Variants in CA10 observed in about 807,000 individuals in gnomAD.
CA10 encodes the protein carbonic anhydrase-related protein 10.
In CA10, 14 loss-of-function variants were observed where a neutral mutation model predicts 44.2. The observed-to-expected ratio is 0.32, with a 90% confidence interval of 0.21 to 0.50. The LOEUF is 0.50. CA10 is among the 20% of genes least tolerant of loss of function. The pLI is 0.99. For missense variants in CA10, 350 were observed against 409.7 expected (o/e 0.85, Z 1.26); for synonymous variants, 159 against 141.6 (o/e 1.12, Z -0.87).
chr17:51,920,742 T>C (rs1240190291), intron 3 of CA10, among the ~76,000 whole-genome samples: 1 of 152,188 alleles, frequency 6.6e-6, no homozygotes, highest in African/African-American at 2.4e-5. Context: ...ACAGAATGCT[T>C]CTGCACTGAA....
chr17:51,957,904 T>C (rs1983727067), intron 2 of CA10, among the ~76,000 whole-genome samples: 2 of 151,622 alleles, frequency 1.3e-5, no homozygotes, highest in Admixed American at 1.3e-4. Context: ...CCTTTCTCAC[T>C]CCCCCCGAGA....
At chr17:51,991,773 C>T (rs1158946677) in intron 2 of CA10, among the ~76,000 whole-genome samples, 2 of 152,154 alleles carry the variant, frequency 1.3e-5, no homozygotes, top group African/African-American at 4.8e-5. Flanking sequence ...CACGCCACTG[C>T]ACTCCAGACT....
At chr17:51,912,357 A>G (rs962775890) in intron 3 of CA10, among the ~76,000 whole-genome samples, 7 of 152,166 alleles carry the variant, frequency 4.6e-5, no homozygotes, top group Non-Finnish European at 1.0e-4. Context: ...AAGGAGGCTC[A>G]AGGAGGTAAA....
At chr17:51,955,427 T>G (rs1477235017) in intron 2 of CA10, among the ~76,000 whole-genome samples, 3 of 152,176 alleles carry the variant, frequency 2.0e-5, no homozygotes, top group Non-Finnish European at 4.4e-5. Context: ...TCCAGCTTCA[T>G]TTTCTGCTCC....
chr17:51,641,313 C>A (rs1913077941), intron 6 of CA10, among the ~76,000 whole-genome samples: 1 of 152,116 alleles, frequency 6.6e-6, no homozygotes, highest in Admixed American at 6.5e-5. Flanking sequence ...ATTCTTCCTT[C>A]ATGGAAAAGA....
chr17:51,865,211 C>T (rs907621075), intron 3 of CA10, among the ~76,000 whole-genome samples: 1 of 152,180 alleles, frequency 6.6e-6, no homozygotes, highest in Non-Finnish European at 1.5e-5. Flanking sequence ...CTCCATGGTA[C>T]TCACCAACCT....
intron 2 of CA10, among the ~76,000 whole-genome samples, chr17:51,997,277 G>C (rs1242489412): frequency 6.6e-6 from 1 of 152,002 alleles, no homozygotes; most frequent in Non-Finnish European, 1.5e-5. Flanking sequence ...GCTTTGTAAT[G>C]AGTCATTCAT....
chr17:51,847,879 C>A lies in CA10; in HGVS notation c.279+83111G>T, dbSNP rs866801815. Among the ~76,000 whole-genome samples the A allele has an allele frequency of 1.1e-4, 16 of 152,216 alleles. No homozygotes were observed. The South Asian group carries it at 2.1e-3, about 20-fold the overall frequency. ...ACTTGTCTCCTCAAGTCTGAGCCAC[C>A]CTATCTGTGAAACAGAGATCAGAAC... is the stretch of plus-strand genomic sequence containing the variant. On this transcript the variant is annotated intron_variant, in intron 3 of 8. Transcript: ENST00000451037.
chr17:51,656,736 C>T (rs1332196032), intron 4 of CA10, among the ~76,000 whole-genome samples: 1 of 152,198 alleles, frequency 6.6e-6, no homozygotes, highest in Admixed American at 6.5e-5. Flanking sequence ...TCGGGAGCCC[C>T]ATCCCAGGTC....
chr17:51,655,123 A>G (rs375908367), intron 4 of CA10, among the ~76,000 whole-genome samples: 1 of 152,224 alleles, frequency 6.6e-6, no homozygotes, highest in Non-Finnish European at 1.5e-5. Flanking sequence ...TTAAAATTTA[A>G]AAGTAGTTTG....
chr17:52,016,848 G>A (rs1169695783), intron 2 of CA10, among the ~76,000 whole-genome samples: 2 of 152,272 alleles, frequency 1.3e-5, no homozygotes, highest in South Asian at 2.1e-4. Flanking sequence ...AGTAGGTGGA[G>A]GTTGCAGTGA....
chr17:51,732,024 CATT>C (rs74268815), intron 4 of CA10, among the ~76,000 whole-genome samples: 16,650 of 152,080 alleles, frequency 0.11, 1,182 homozygotes, highest in Middle Eastern at 0.16. Flanking sequence ...AGGTTGACAT[CATT>C]ATTATTATTA....
At chr17:52,058,752 C>A (rs1056675255) in intron 2 of CA10, among the ~76,000 whole-genome samples, 1 of 152,156 alleles carries the variant, frequency 6.6e-6, no homozygotes, top group Non-Finnish European at 1.5e-5. Flanking sequence ...AAAGCCTTTT[C>A]TGACCCCAAA....
chr17:51,890,069 G>A lies in CA10; in HGVS notation c.279+40921C>T, dbSNP rs191371893. On this transcript the variant is annotated intron_variant, in intron 3 of 8. Transcript: ENST00000451037. ...TTGAAGAAAAGGGGGTAGCAACACC[G>A]GATAAATTTTAGGGGCACTTCTCTC... Among the ~76,000 whole-genome samples the A allele has an allele frequency of 1.1e-3, 172 of 152,264 alleles. 5 individuals are homozygous for A. The South Asian group carries it at 0.022, about 20-fold the overall frequency.
intron 3 of CA10, among the ~76,000 whole-genome samples, chr17:51,903,647 T>A (rs560247751): frequency 2.8e-4 from 42 of 152,144 alleles, no homozygotes; most frequent in Non-Finnish European, 4.6e-4. Context: ...TCTTTCTAAT[T>A]TTTTCCCCTC....
At chr17:51,948,966 G>A (rs994662941) in intron 2 of CA10, among the ~76,000 whole-genome samples, 1 of 152,082 alleles carries the variant, frequency 6.6e-6, no homozygotes, top group Non-Finnish European at 1.5e-5. Flanking sequence ...AATATATTGA[G>A]TGATAACAGC....
intron 2 of CA10, among the ~76,000 whole-genome samples, chr17:51,978,081 A>G (rs1049575688): frequency 2.0e-5 from 3 of 152,138 alleles, no homozygotes; most frequent in Admixed American, 1.3e-4. Flanking sequence ...CAGTATTAAT[A>G]AAAAGTCTTT....
intron 4 of CA10, among the ~76,000 whole-genome samples, chr17:51,720,509 AG>A (rs1025655701): frequency 3.9e-5 from 6 of 152,350 alleles, no homozygotes; most frequent in African/African-American, 1.4e-4. Flanking sequence ...CTCTATAAAA[AG>A]TCTTGAACAA....
intron 4 of CA10, among the ~76,000 whole-genome samples, chr17:51,726,455 GAA>G (rs1350677366): frequency 6.6e-6 from 1 of 152,074 alleles, no homozygotes; most frequent in Non-Finnish European, 1.5e-5. Context: ...CTCACCACAA[GAA>G]AACGATAAGT....
Sources: gnomAD v4.1 joint callset for allele counts (sites outside exome capture counted in the v4.1 genomes callset) on GRCh38, gnomAD v4.1.1 for gene constraint, MANE v1.5 for transcripts, NCBI Gene and HGNC (gene_info 2026-07-23, HGNC 2026-07-21) for gene names.